Variants in HHIPL2 observed in about 807,000 individuals in gnomAD.
HHIPL2 encodes the protein HHIP-like protein 2.
Under a neutral mutation model 61.0 loss-of-function variants are expected in HHIPL2, and 61 were observed. That is an observed-to-expected ratio of 1.00 (90% CI 0.81 to 1.24). HHIPL2 has a LOEUF of 1.24. HHIPL2 is among the 50% of genes most tolerant of loss of function. HHIPL2 has a pLI of 0.00. For synonymous variants in HHIPL2, 343 were observed against 357.4 expected (o/e 0.96, Z 0.45); for missense variants, 885 against 910.2 (o/e 0.97, Z 0.36).
At chr1:222,539,527 TAAAAAAAAAAAA>T (rs10537670) in intron 4 of HHIPL2, among the ~76,000 whole-genome samples, 1 of 85,202 alleles carries the variant, frequency 1.2e-5, no homozygotes, top group Non-Finnish European at 2.4e-5. Flanking sequence ...AGACTCTGTC[TAAAAAAAAAAAA>T]AAAAAAAAAA....
chr1:222,538,871 G>T, intron 4 of HHIPL2, 97 bp from the exon 5 acceptor site: 1 of 1,280,406 alleles, frequency 7.8e-7, no homozygotes, highest in Non-Finnish European at 1.1e-6. Flanking sequence ...GCCTAATTCA[G>T]TAAAGAACAC....
chr1:222,543,652 G>A lies in HHIPL2; in HGVS notation c.859C>T (p.Arg287Cys). 1.2e-6 allele frequency: 2 copies of A among 1,614,038 alleles called. No homozygotes were observed. The highest frequency in any genetic ancestry group is 8.5e-7 in the Non-Finnish European group (1 of 1,180,026). ...LAFHPKFRHN[R>C]KFYIYYSCLD... The stretch of plus-strand genomic sequence containing the variant: ...CACGAATAATAAATATAGAACTTGC[G>A]ATTGTGGCGGAATTTGGGGTGAAAA... Residue 287 changes from arginine to cysteine, a missense_variant, in exon 2 of 9, where the codon CGC becomes TGC. Transcript: ENST00000343410.
At chr1:222,532,694 G>A (rs1659218297) in intron 5 of HHIPL2, among the ~76,000 whole-genome samples, 1 of 151,806 alleles carries the variant, frequency 6.6e-6, no homozygotes, top group Admixed American at 6.6e-5. Context: ...TTAGTTGTGT[G>A]ACCTTTGGGT....
chr1:222,542,306 T>C (rs562151258), intron 2 of HHIPL2, 151 bp from the exon 3 acceptor site: 3 of 781,320 alleles, frequency 3.8e-6, no homozygotes, highest in East Asian at 5.3e-5. Flanking sequence ...ACAAAGCAAG[T>C]AGCTTTGGGG....
At position 222,522,667 on chromosome 1, in the gene HHIPL2, C is replaced by T. The variant is rs964159963; in HGVS notation, c.2109G>A (p.Leu703=). The T allele has an allele frequency of 5.0e-6, 8 of 1,614,198 alleles. No individual in the cohort carries two copies. The highest frequency in any genetic ancestry group is 6.8e-6 in the Non-Finnish European group (8 of 1,180,036). ...GCCTCATCCTGCCACTGTGGCTTTT[C>T]AGGCTCTTCCTCCTCTTGCCCTGGC... ...HVRQGKRRKS[L]KSHSGRMRPS... Residue 703 remains leucine, a synonymous_variant, in exon 9 of 9, where the codon CTG becomes CTA. Transcript: ENST00000343410.
Position 222,543,825 on chromosome 1 carries a change from G to A in HHIPL2, c.686C>T (p.Thr229Ile). 4 of 1,614,136 alleles carry A rather than the reference G, an allele frequency of 2.5e-6. No individual in the cohort carries two copies. Among genetic ancestry groups the A allele is most frequent in the Middle Eastern group, 1.6e-4 (1 of 6,062 alleles). ...PVSMVHAGDGTHRFFVAEQVG... is the reference protein window; with the variant it reads ...PVSMVHAGDGIHRFFVAEQVG... ...CTGCTCGGCAACAAAGAAGCGATGG[G>A]TGCCGTCCCCAGCATGGACCATGGA... Residue 229 changes from threonine (T) to isoleucine (I), a missense_variant, in exon 2 of 9, where the codon ACC becomes ATC. Transcript: ENST00000343410.
Position 222,547,976 on chromosome 1 carries a change from G to A in HHIPL2, c.69C>T (p.Gly23=), listed in dbSNP as rs762261551. Residue 23 remains glycine (G), a synonymous_variant, in exon 1 of 9, where the codon GGC becomes GGT. Transcript: ENST00000343410. ...AGAATATGAGGCAGAGGCAGAGAAT[G>A]CCAGAAGAGAGCCAGGGGGCCCGGC... ...LHCRAPWLSS[G]ILCLCLIFLL... is the part of the protein sequence containing the mutation. 8 of 1,610,256 alleles carry A rather than the reference G, an allele frequency of 5.0e-6. No homozygotes were observed. The highest frequency in any genetic ancestry group is 6.8e-6 in the Non-Finnish European group (8 of 1,177,224).
intron 7 of HHIPL2, among the ~76,000 whole-genome samples, 186 bp from the exon 8 acceptor site, chr1:222,523,880 C>CA (rs1659007562): frequency 6.6e-6 from 1 of 152,130 alleles, no homozygotes; most frequent in Non-Finnish European, 1.5e-5. Context: ...ACAGACAGAA[C>CA]AGGGCTCCTC....
intron 6 of HHIPL2, among the ~76,000 whole-genome samples, chr1:222,531,724 A>T (rs969026520): frequency 6.6e-6 from 1 of 152,078 alleles, no homozygotes; most frequent in African/African-American, 2.4e-5. Context: ...AGAGAGCAAG[A>T]CTCTGTCTCA....
At chr1:222,528,636 ATCGT>A (rs1659120644) in intron 6 of HHIPL2, among the ~76,000 whole-genome samples, 5 of 152,114 alleles carry the variant, frequency 3.3e-5, no homozygotes, top group African/African-American at 1.2e-4. Context: ...GTGTTCGATA[ATCGT>A]AGTTATTTTT....
At chr1:222,546,281 G>A (rs766910891) in intron 1 of HHIPL2, among the ~76,000 whole-genome samples, 1 of 152,138 alleles carries the variant, frequency 6.6e-6, no homozygotes, top group Non-Finnish European at 1.5e-5. Flanking sequence ...ACAAAACTTG[G>A]AGCCTGAGCA....
At chr1:222,538,425 G>GAC (rs1659352594) in intron 5 of HHIPL2, among the ~76,000 whole-genome samples, 1 of 137,952 alleles carries the variant, frequency 7.2e-6, no homozygotes, top group Non-Finnish European at 1.5e-5. Context: ...GAGAGAGACA[G>GAC]AGAGAGAGAG....
In HHIPL2 at chr1:222,538,724, T is replaced by A. The variant is rs573710650; in HGVS notation, c.1501A>T (p.Thr501Ser). Reference protein sequence around the residue: ...AYGHAVGKSVTGGYVYRGCES... With the variant: ...AYGHAVGKSVSGGYVYRGCES... ...CAACCACGATAGACATAACCTCCAGTGACTGACTTCCCCACTGCATGGCCA... is the reference window on the plus strand; with the variant it reads ...CAACCACGATAGACATAACCTCCAGAGACTGACTTCCCCACTGCATGGCCA... The change falls in exon 5 of 9, where the codon ACT (threonine) becomes TCT (serine). Residue 501 changes from threonine to serine, a missense_variant. Thr to Ser is a moderately conservative substitution (Grantham distance 58). Transcript: ENST00000343410. 8 of 1,614,010 alleles carry A rather than the reference T, an allele frequency of 5.0e-6. No homozygotes were observed. The African/African-American group carries it at 9.3e-5, about 19-fold the overall frequency.
chr1:222,527,076 A>G, intron 6 of HHIPL2, 26 bp from the exon 7 acceptor site: 1 of 1,538,034 alleles, frequency 6.5e-7, no homozygotes, highest in South Asian at 1.1e-5. Context: ...TAGACAGGCA[A>G]TAATGGGACA....
chr1:222,538,195 G>GGGGTGTGTGT (rs1356240657), intron 5 of HHIPL2, among the ~76,000 whole-genome samples: 12 of 136,372 alleles, frequency 8.8e-5, no homozygotes, highest in African/African-American at 2.7e-4. Flanking sequence ...CTCTGGCTGG[G>GGGGTGTGTGT]GTGTGTGTGT....
intron 4 of HHIPL2, 51 bp from the exon 5 acceptor site, chr1:222,538,825 C>G (rs1228166898): frequency 1.3e-6 from 2 of 1,598,834 alleles, no homozygotes; most frequent in African/African-American, 1.3e-5. Context: ...AAATTGAAAG[C>G]TTCAAGGAGG....
Position 222,540,281 on chromosome 1 carries a change from C to T in HHIPL2, c.1179G>A (p.Lys393=). ...IDVNRAGSHG[K]RYRVPSDNPF... is the part of the protein sequence containing the mutation. The stretch of plus-strand genomic sequence containing the variant: ...GATTGTCCGAGGGGACTCGGTACCG[C>T]TTGCCATGTGAGCCTGCCCTGTTCA... Residue 393 remains lysine, a synonymous_variant, in exon 4 of 9, where the codon AAG becomes AAA. Coordinates refer to ENST00000343410, the MANE Select transcript of HHIPL2 (RefSeq NM_024746.4). 1.9e-6 allele frequency: 3 copies of T among 1,614,214 alleles called. No individual in the cohort carries two copies. The South Asian group carries it at 3.3e-5, about 18-fold the overall frequency.
At chr1:222,541,942 C>T in intron 3 of HHIPL2, 70 bp downstream of exon 3, 1 of 1,486,814 alleles carries the variant, frequency 6.7e-7, no homozygotes, top group East Asian at 2.4e-5. Flanking sequence ...AGTTTGATGC[C>T]ATCCCTGCAA....
At chr1:222,544,230 C>G (rs769893914) in intron 1 of HHIPL2, 41 bp from the exon 2 acceptor site, 1 of 1,567,284 alleles carries the variant, frequency 6.4e-7, no homozygotes, top group Non-Finnish European at 8.6e-7. Flanking sequence ...ATCAGACCTG[C>G]CACACCGGCA....
Sources: gnomAD v4.1 joint callset for allele counts (sites outside exome capture counted in the v4.1 genomes callset) on GRCh38, gnomAD v4.1.1 for gene constraint, MANE v1.5 for transcripts, NCBI Gene and HGNC (gene_info 2026-07-23, HGNC 2026-07-21) for gene names.